TSPEAR: variants seen among roughly 807,000 people sequenced by gnomAD.
TSPEAR encodes thrombospondin type laminin G domain and EAR repeats, also known as thrombospondin-type laminin G domain and EAR repeat-containing protein.
A neutral mutation model predicts 71.6 loss-of-function variants in TSPEAR; 69 were observed. That is an observed-to-expected ratio of 0.96 (90% confidence interval 0.79 to 1.18). The LOEUF (loss-of-function observed/expected upper bound fraction) is 1.18. Among genes scored for constraint, TSPEAR ranks in the 50% most tolerant of loss-of-function variants. TSPEAR has a pLI of 0.00. For missense variants in TSPEAR, 971 were observed against 894.9 expected, an observed-to-expected ratio of 1.09 and a Z score of -1.09; for synonymous variants, 402 against 387.2, an observed-to-expected ratio of 1.04 and a Z score of -0.45.
At chr21:44,694,966 T>C (rs1456161020) in intron 1 of TSPEAR, among the ~76,000 whole-genome samples, 1 of 152,130 alleles carries the variant, frequency 6.6e-6, no homozygotes, top group Non-Finnish European at 1.5e-5. Context: ...GCATGGAGGG[T>C]CTCCCCTGGA....
At chr21:44,509,598 T>A (rs587596923) in intron 9 of TSPEAR, among the ~76,000 whole-genome samples, 2 of 151,166 alleles carry the variant, frequency 1.3e-5, no homozygotes, top group East Asian at 1.9e-4. Flanking sequence ...GAGGTGTGAG[T>A]GAGCAGCACT....
At chr21:44,708,073 GAGAGA>G (rs1555952861) in intron 1 of TSPEAR, among the ~76,000 whole-genome samples, 1 of 150,384 alleles carries the variant, frequency 6.6e-6, no homozygotes, top group East Asian at 2.0e-4. Flanking sequence ...ACAGAGATAT[GAGAGA>G]GAGCGAGCGA....
intron 1 of TSPEAR, among the ~76,000 whole-genome samples, chr21:44,674,526 G>A (rs1404444676): frequency 3.3e-5 from 5 of 152,050 alleles, no homozygotes; most frequent in East Asian, 3.9e-4. Flanking sequence ...AGACCAGCCC[G>A]GGCAACATGG....
At position 44,710,487 on chromosome 21, in the gene TSPEAR, C is replaced by A. The variant is rs577002886; in HGVS notation, c.82+946G>T. Among the ~76,000 whole-genome samples the A allele has an allele frequency of 1.3e-5, 2 of 148,172 alleles. No homozygotes were observed. The highest frequency in any genetic ancestry group is 4.4e-4 in the East Asian group (2 of 4,576). On this transcript the variant is annotated intron_variant, in intron 1 of 11. Transcript: ENST00000323084. The surrounding 1 kb of genome is among the most constrained non-coding windows in gnomAD (Gnocchi z 4.6). ...CGGGTGATCGTGCTCATCCCCTGGT[C>A]ATGTCATCGGGATCTGAGTGCCATC...
rs142260379 is a variant in TSPEAR, at chr21:44,700,447, G to A, written c.82+10986C>T. ...CGGGAGAGAGGAGGCCAGTCCACAC[G>A]AGAAGAGCCGAGGGAGCAGAGACTT... On this transcript the variant is annotated intron_variant, in intron 1 of 11. Coordinates refer to ENST00000323084, the MANE Select transcript of TSPEAR (RefSeq NM_144991.3). 5.4e-3 allele frequency among the ~76,000 whole-genome samples: 823 copies of A among 152,268 alleles called. 13 individuals carry two copies. The highest frequency in any genetic ancestry group is 0.019 in the African/African-American group (792 of 41,514).
rs2052190857 is a variant in TSPEAR at position 44,506,019 on chromosome 21, TTC to T, written c.1755-1140_1755-1139del. ...TGCTGTGGCCTCTGTGCCTGGTTTC[TTC>T]TCTCAGCATTGTGTCTTCAGCTGTG... On this transcript the variant is annotated intron_variant, in intron 10 of 11. Coordinates refer to ENST00000323084, the MANE Select transcript of TSPEAR (RefSeq NM_144991.3). This position sits in a 1 kb window ranked among gnomAD's most constrained non-coding sequence, Gnocchi z 4.2. 6.6e-6 allele frequency among the ~76,000 whole-genome samples: 1 copy of T among 152,244 alleles called. No individual in the cohort carries two copies. Among genetic ancestry groups the T allele is most frequent in the Non-Finnish European group, 1.5e-5 (1 of 68,052 alleles).
At chr21:44,576,128 C>T (rs958226403) in intron 1 of TSPEAR, among the ~76,000 whole-genome samples, 14 of 152,194 alleles carry the variant, frequency 9.2e-5, no homozygotes, top group Admixed American at 8.5e-4. Flanking sequence ...AAAGCAATGA[C>T]GATAAGATCA....
chr21:44,627,740 C>T, intron 1 of TSPEAR: 1 of 1,595,242 alleles, frequency 6.3e-7, no homozygotes, highest in Non-Finnish European at 8.6e-7. Context: ...TGCTGTAAGC[C>T]TGTCTGCTGC....
intron 1 of TSPEAR, among the ~76,000 whole-genome samples, chr21:44,641,706 C>A (rs782448080): frequency 6.6e-6 from 1 of 152,126 alleles, no homozygotes. Flanking sequence ...AAGAAAGAGA[C>A]AATAGTGCCA....
intron 1 of TSPEAR, among the ~76,000 whole-genome samples, chr21:44,661,019 C>T (rs1400437090): frequency 2.6e-5 from 4 of 151,996 alleles, no homozygotes; most frequent in South Asian, 2.1e-4. Flanking sequence ...AGGCCGGGCG[C>T]GGTGGCTCAC....
intron 1 of TSPEAR, among the ~76,000 whole-genome samples, chr21:44,582,092 G>A (rs1979015663): frequency 6.6e-6 from 1 of 152,200 alleles, no homozygotes; most frequent in Non-Finnish European, 1.5e-5. Flanking sequence ...TGAAGGACTC[G>A]ATGCTCCTTT....
rs2053303929 is a variant in TSPEAR, at chr21:44,546,379, G to A, written c.304-12456C>T. Reference sequence around the variant, plus strand: ...CTTCAGAGTCTCGCTCTGTTGCCCAGGCTGGAGTGCAGTGGTGCGATCTCT... The same window carrying A: ...CTTCAGAGTCTCGCTCTGTTGCCCAAGCTGGAGTGCAGTGGTGCGATCTCT... On this transcript the variant is annotated intron_variant, in intron 2 of 11. Coordinates refer to ENST00000323084, the MANE Select transcript of TSPEAR (RefSeq NM_144991.3). The surrounding 1 kb of genome is among the most constrained non-coding windows in gnomAD (Gnocchi z 4.4). Among the ~76,000 whole-genome samples, 1 of 152,188 alleles carries A rather than the reference G, an allele frequency of 6.6e-6. No individual in the cohort carries two copies. The highest frequency in any genetic ancestry group is 2.4e-5 in the African/African-American group (1 of 41,444).
Position 44,509,342 on chromosome 21 carries a change from C to T in TSPEAR, c.1611G>A (p.Arg537=), listed in dbSNP as rs1180059848. 3.1e-6 allele frequency: 5 copies of T among 1,613,844 alleles called. No individual in the cohort carries two copies. The African/African-American group carries it at 6.7e-5, about 22-fold the overall frequency. Reference sequence around the variant, plus strand: ...GACTGTTTGCCACAGCGAGGAAGATCCTCTCCCCGATCTGGAAGACCTCCC... The same window carrying T: ...GACTGTTTGCCACAGCGAGGAAGATTCTCTCCCCGATCTGGAAGACCTCCC... ...ADWEVFQIGE[R]IFLAVANSHS... is the part of the protein sequence containing the mutation. Residue 537 remains arginine, a synonymous_variant, in exon 10 of 12, where the codon AGG becomes AGA. Coordinates refer to ENST00000323084, the MANE Select transcript of TSPEAR (RefSeq NM_144991.3).
At position 44,509,768 on chromosome 21, in the gene TSPEAR, T is replaced by C. The variant is rs587614797; in HGVS notation, c.1567-382A>G. The C allele has an allele frequency of 2.4e-3, 604 of 247,070 alleles. 6 individuals are homozygous for C. Among genetic ancestry groups the C allele is most frequent in the African/African-American group, 0.013 (559 of 43,938 alleles). The allele number at this position is 247,070 out of a possible 1,614,324, so 15.3% of individuals were successfully genotyped here. ...TGCCAGCTGTGCCCAGCCCTGCCCCTAGCGACCATCTGTGTGACTTGCTTC... is the reference window on the plus strand; with the variant it reads ...TGCCAGCTGTGCCCAGCCCTGCCCCCAGCGACCATCTGTGTGACTTGCTTC... On this transcript the variant is annotated intron_variant, in intron 9 of 11. Transcript: ENST00000323084.
In TSPEAR at chr21:44,506,084, C is replaced by T. The variant is rs935935543; in HGVS notation, c.1755-1203G>A. On this transcript the variant is annotated intron_variant, in intron 10 of 11. Transcript: ENST00000323084. This position sits in a 1 kb window ranked among gnomAD's most constrained non-coding sequence, Gnocchi z 4.2. Reference sequence around the variant, plus strand: ...GTGAGGTCACTCCAGGAGGTGCCTACAGGACCTGCAGGACCTGCTCGTTCA... The same window carrying T: ...GTGAGGTCACTCCAGGAGGTGCCTATAGGACCTGCAGGACCTGCTCGTTCA... Among the ~76,000 whole-genome samples, 2 of 152,216 alleles carry T rather than the reference C, an allele frequency of 1.3e-5. No individual in the cohort carries two copies. Among genetic ancestry groups the T allele is most frequent in the African/African-American group, 2.4e-5 (1 of 41,444 alleles).
At chr21:44,698,432 C>T (rs1056821763) in intron 1 of TSPEAR, among the ~76,000 whole-genome samples, 3 of 152,194 alleles carry the variant, frequency 2.0e-5, no homozygotes, top group East Asian at 1.9e-4. Context: ...GTGCCGTCCC[C>T]GCAGGAATGT....
At position 44,592,463 on chromosome 21, in the gene TSPEAR, C is replaced by T. The variant is rs782046850; in HGVS notation, c.83-24458G>A. On this transcript the variant is annotated intron_variant, in intron 1 of 11. Transcript: ENST00000323084. ...CCGTAGCTCAGGTCGCTGGAGCAGA[C>T]GGACATGGTGGACGCGGCCATGCTG... is the stretch of plus-strand genomic sequence containing the variant. 2.4e-5 allele frequency: 38 copies of T among 1,611,140 alleles called. No individual in the cohort carries two copies. Among genetic ancestry groups the T allele is most frequent in the African/African-American group, 9.4e-5 (7 of 74,828 alleles).
chr21:44,616,885 G>A (rs149426230), intron 1 of TSPEAR, among the ~76,000 whole-genome samples: 9 of 152,268 alleles, frequency 5.9e-5, no homozygotes, highest in South Asian at 2.1e-4. Flanking sequence ...TTCTGGGGCC[G>A]AACAACCCAG....
At chr21:44,598,329 G>T (rs1980508216) in intron 1 of TSPEAR, among the ~76,000 whole-genome samples, 1 of 152,214 alleles carries the variant, frequency 6.6e-6, no homozygotes, top group Non-Finnish European at 1.5e-5. Context: ...AATGGGGAAA[G>T]GACACAGGGG....
Sources: allele counts gnomAD v4.1 joint callset (sites outside exome capture counted in the v4.1 genomes callset), GRCh38; gene constraint gnomAD v4.1.1; non-coding constraint Gnocchi (gnomAD v3.1); transcripts MANE v1.5; gene names NCBI Gene and HGNC (gene_info 2026-07-23, HGNC 2026-07-21).